SYNJ2: variants seen among roughly 807,000 people sequenced by gnomAD.
SYNJ2 encodes polyphosphatidylinositol phosphatase SYNJ2.
SYNJ2 carries 116 observed loss-of-function variants against 141.3 expected under a neutral mutation model. That is an observed-to-expected ratio of 0.82 (90% confidence interval 0.71 to 0.96). SYNJ2 has a LOEUF of 0.96. Among genes scored for constraint, SYNJ2 ranks in the 40% least tolerant of loss-of-function variants. SYNJ2 has a pLI of 0.00. For synonymous variants in SYNJ2, 745 were observed against 777.7 expected (o/e 0.96, Z 0.70); for missense variants, 1,873 against 1,934.8 (o/e 0.97, Z 0.60).
rs138333526 is a variant in SYNJ2 at position 158,063,869 on chromosome 6, C to T, written c.1206C>T (p.Leu402=). 1.1e-5 allele frequency: 18 copies of T among 1,613,212 alleles called. 1 individual carries two copies. The highest frequency in any genetic ancestry group is 4.4e-5 in the South Asian group (4 of 91,016). ...ACACTGTGCAGAGCTTCATCGCGCT[C>T]GAGGTGCGTCCCTGCCACAGCCTTT... The part of the protein sequence containing the change: ...RTNTVQSFIA[L]EVLHLQLKTL... Residue 402 remains leucine (L), a synonymous_variant, in exon 9 of 27, where the codon CTC becomes CTT. Coordinates refer to ENST00000355585, the MANE Select transcript of SYNJ2 (RefSeq NM_003898.4).
intron 5 of SYNJ2, among the ~76,000 whole-genome samples, chr6:158,047,859 T>G (rs1320785632): frequency 7.3e-6 from 1 of 136,638 alleles, no homozygotes; most frequent in Non-Finnish European, 1.5e-5. Context: ...CTATTGATAC[T>G]AATAGAAACA....
chr6:157,988,405 T>C (rs1649121571), intron 1 of SYNJ2, among the ~76,000 whole-genome samples: 1 of 152,294 alleles, frequency 6.6e-6, no homozygotes, highest in Non-Finnish European at 1.5e-5. Flanking sequence ...CTATTTTATT[T>C]AACTGTTTTA....
At chr6:158,017,415 T>TC in intron 2 of SYNJ2, 125 bp downstream of exon 2, 3 of 1,294,946 alleles carry the variant, frequency 2.3e-6, no homozygotes, top group Non-Finnish European at 3.0e-6. Flanking sequence ...CTTTTTTTTT[T>TC]TTTTTTTTTT....
In SYNJ2 at chr6:158,098,878, T is replaced by G. The variant is rs1490678342; in HGVS notation, c.*2514T>G. On this transcript the variant is annotated 3_prime_UTR_variant, in exon 27 of 27. Coordinates refer to ENST00000355585, the MANE Select transcript of SYNJ2 (RefSeq NM_003898.4). The stretch of plus-strand genomic sequence containing the variant: ...ACCATCTTCTCAGACTTCTTGCCTA[T>G]TCTTAAAATATGTTTTGGTTAATGA... The G allele has an allele frequency of 6.6e-6, 1 of 152,254 alleles. No homozygotes were observed. The highest frequency in any genetic ancestry group is 1.5e-5 in the Non-Finnish European group (1 of 68,060). 9.4% of individuals were successfully genotyped at this position (152,254 alleles called of 1,614,324 possible).
intron 5 of SYNJ2, among the ~76,000 whole-genome samples, chr6:158,051,360 G>A (rs980616194): frequency 6.6e-6 from 1 of 152,046 alleles, no homozygotes; most frequent in Non-Finnish European, 1.5e-5. Flanking sequence ...GGGGTACACA[G>A]ACCCGCTGAC....
chr6:157,983,213 T>G (rs1777078519), intron 1 of SYNJ2, among the ~76,000 whole-genome samples: 1 of 152,266 alleles, frequency 6.6e-6, no homozygotes, highest in Admixed American at 6.5e-5. Flanking sequence ...CTCCTATTTC[T>G]GATTCCCTAA....
intron 1 of SYNJ2, among the ~76,000 whole-genome samples, chr6:158,000,027 T>G (rs1195857946): frequency 6.7e-6 from 1 of 149,178 alleles, no homozygotes; most frequent in Non-Finnish European, 1.5e-5. Flanking sequence ...ATGATGTGAT[T>G]AAGATTCTGG....
chr6:158,065,312 C>T (rs1781499228), intron 11 of SYNJ2, among the ~76,000 whole-genome samples: 1 of 152,172 alleles, frequency 6.6e-6, no homozygotes, highest in Non-Finnish European at 1.5e-5. Flanking sequence ...CCAGAAACTT[C>T]CTCAGCTGCC....
At chr6:158,029,466 G>A (rs1172008198) in intron 3 of SYNJ2, 1 of 157,436 alleles carries the variant, frequency 6.4e-6, no homozygotes, top group Non-Finnish European at 1.4e-5. Context: ...TCGGGAGGCT[G>A]AGGCAGGAGA....
At position 158,027,029 on chromosome 6, in the gene SYNJ2, C is replaced by G; in HGVS notation, c.215-1727C>G. ...TGGGGAGATGTGATGGGATCAACCC[C>G]CTGCCCTGCTGGCAGCCCCACCCCA... On this transcript the variant is annotated intron_variant, in intron 2 of 26. Transcript: ENST00000355585. This position sits in a 1 kb window ranked among gnomAD's most constrained non-coding sequence, Gnocchi z 4.6. The G allele has an allele frequency of 1.0e-6, 1 of 985,416 alleles. No homozygotes were observed. Among genetic ancestry groups the G allele is most frequent in the East Asian group, 1.1e-4 (1 of 8,810 alleles). 61.0% of individuals were successfully genotyped at this position (985,416 alleles called of 1,614,324 possible).
chr6:158,050,975 G>A (rs1278923492), intron 5 of SYNJ2, among the ~76,000 whole-genome samples: 1 of 152,046 alleles, frequency 6.6e-6, no homozygotes, highest in East Asian at 1.9e-4. Context: ...CTGAGGAATG[G>A]ACTGCTGACT....
intron 3 of SYNJ2, among the ~76,000 whole-genome samples, chr6:158,031,311 GC>G (rs1779348760): frequency 6.6e-6 from 1 of 152,216 alleles, no homozygotes; most frequent in South Asian, 2.1e-4. Flanking sequence ...AATTGCACCA[GC>G]ACCTTTGCAA....
chr6:158,089,787 G>A, intron 24 of SYNJ2, 52 bp from the exon 25 acceptor site: 1 of 1,415,402 alleles, frequency 7.1e-7, no homozygotes, highest in Non-Finnish European at 9.9e-7. Context: ...GTCCCACGAG[G>A]CTGTCCTCCT....
In SYNJ2 at chr6:158,086,881, C is replaced by A. The variant is rs1192562425; in HGVS notation, c.3235C>A (p.Arg1079=). 1 of 1,611,344 alleles carries A rather than the reference C, an allele frequency of 6.2e-7. No homozygotes were observed. Among genetic ancestry groups the A allele is most frequent in the Admixed American group, 1.7e-5 (1 of 60,026 alleles). ...KDDADLVELK[R]ELEAVGEFRH... is the part of the protein sequence containing the mutation. ...TGACGCGGACCTGGTGGAGCTCAAG[C>A]GGGAGCTGGAAGCCGTCGGGGAGTT... Residue 1079 remains arginine, a synonymous_variant, in exon 23 of 27, where the codon CGG becomes AGG. Coordinates refer to ENST00000355585, the MANE Select transcript of SYNJ2 (RefSeq NM_003898.4).
chr6:158,058,587 A>G (rs1781012399), intron 6 of SYNJ2, among the ~76,000 whole-genome samples: 2 of 152,216 alleles, frequency 1.3e-5, no homozygotes, highest in Admixed American at 1.3e-4. Flanking sequence ...AAGGGTGGGT[A>G]CCAAGCAAAA....
intron 12 of SYNJ2, chr6:158,067,500 T>G: frequency 1.0e-6 from 1 of 985,486 alleles, no homozygotes; most frequent in Non-Finnish European, 1.2e-6. Context: ...CCCCAGAACT[T>G]AGGATCTGAA....
At position 158,027,093 on chromosome 6, in the gene SYNJ2, T is replaced by A. The variant is rs1779086746; in HGVS notation, c.215-1663T>A. ...GGCCCCTGGGAGCCCTGAGCGCTCA[T>A]TAAAGGAACGCACTTTAATGACAGC... On this transcript the variant is annotated intron_variant, in intron 2 of 26. Coordinates refer to ENST00000355585, the MANE Select transcript of SYNJ2 (RefSeq NM_003898.4). This position sits in a 1 kb window ranked among gnomAD's most constrained non-coding sequence, Gnocchi z 4.6. 1 of 985,294 alleles carries A rather than the reference T, an allele frequency of 1.0e-6. No homozygotes were observed. The highest frequency in any genetic ancestry group is 1.2e-6 in the Non-Finnish European group (1 of 829,926). The allele number at this position is 985,294 out of a possible 1,614,324, so 61.0% of individuals were successfully genotyped here.
At chr6:158,010,815 G>T (rs530428180) in intron 1 of SYNJ2, among the ~76,000 whole-genome samples, 1 of 151,524 alleles carries the variant, frequency 6.6e-6, no homozygotes, top group Admixed American at 6.6e-5. Context: ...GATGATGGGG[G>T]GGACATGTTG....
Position 158,082,071 on chromosome 6 carries a change from G to A in SYNJ2, c.2865+561G>A, listed in dbSNP as rs150691045. 1.0e-2 allele frequency among the ~76,000 whole-genome samples: 1,516 copies of A among 152,270 alleles called. 28 individuals are homozygous for A. The highest frequency in any genetic ancestry group is 0.034 in the African/African-American group (1,418 of 41,546). On this transcript the variant is annotated intron_variant, in intron 20 of 26. Transcript: ENST00000355585. ...CTTGCAAAATAGGGCGGAAGGGTGGGCGCAGTGGCTTATGCTTGTAATCCC... is the reference window on the plus strand; with the variant it reads ...CTTGCAAAATAGGGCGGAAGGGTGGACGCAGTGGCTTATGCTTGTAATCCC...
Sources: allele counts gnomAD v4.1 joint callset (sites outside exome capture counted in the v4.1 genomes callset), GRCh38; gene constraint gnomAD v4.1.1; non-coding constraint Gnocchi (gnomAD v3.1); transcripts MANE v1.5; gene names NCBI Gene and HGNC (gene_info 2026-07-23, HGNC 2026-07-21).